Variants in RGS6 observed in about 807,000 individuals in gnomAD.
The protein encoded by RGS6 is regulator of G-protein signaling 6.
Under a neutral mutation model 78.5 loss-of-function variants are expected in RGS6, and 30 were observed. The observed-to-expected ratio is 0.38, with a 90% confidence interval of 0.29 to 0.52. RGS6 has a LOEUF of 0.52. Among genes scored for constraint, RGS6 ranks in the 20% least tolerant of loss-of-function variants. The pLI, the probability that RGS6 is intolerant of heterozygous loss-of-function variation, is 0.85. For synonymous variants in RGS6, 206 were observed against 206.0 expected (o/e 1.00, Z 0.00); for missense variants, 495 against 609.7 (o/e 0.81, Z 1.98).
intron 2 of RGS6, chr14:71,990,755 C>T (rs745950351): frequency 2.2e-6 from 1 of 456,088 alleles, no homozygotes; most frequent in Non-Finnish European, 4.4e-6. Flanking sequence ...TTGCTATCCT[C>T]TCTCCAAACT....
chr14:72,079,867 CCTT>C (rs2094744197), intron 2 of RGS6, among the ~76,000 whole-genome samples: 1 of 152,104 alleles, frequency 6.6e-6, no homozygotes, highest in Non-Finnish European at 1.5e-5. Context: ...TGACAGATAT[CCTT>C]CTTTTTTAAG....
intron 2 of RGS6, among the ~76,000 whole-genome samples, chr14:71,995,331 G>T (rs2095150623): frequency 2.0e-5 from 3 of 152,230 alleles, no homozygotes; most frequent in South Asian, 4.1e-4. Context: ...TGGATGGGCT[G>T]CCCCTGAACA....
chr14:72,011,958 T>A (rs1271178930), intron 2 of RGS6, among the ~76,000 whole-genome samples: 1 of 152,206 alleles, frequency 6.6e-6, no homozygotes, highest in Non-Finnish European at 1.5e-5. Context: ...TTTTCTGAAA[T>A]TTTAAGTGTA....
the RGS6 span, among the ~76,000 whole-genome samples, chr14:71,869,127 G>C: frequency 6.6e-6 from 1 of 152,122 alleles, no homozygotes; most frequent in African/African-American, 2.4e-5. Context: ...TCTTTGCCTC[G>C]AGCTCTGCTT....
intron 2 of RGS6, among the ~76,000 whole-genome samples, chr14:72,110,076 A>C (rs1294913716): frequency 6.6e-6 from 1 of 152,220 alleles, no homozygotes; most frequent in Non-Finnish European, 1.5e-5. Context: ...GTTCTTAAAA[A>C]GTCAGTAGTG....
intron 2 of RGS6, among the ~76,000 whole-genome samples, chr14:72,295,649 T>G (rs1390206734): frequency 2.0e-5 from 3 of 152,022 alleles, no homozygotes; most frequent in Admixed American, 2.0e-4. Flanking sequence ...TTTGGTTGCT[T>G]ATATATATTT....
At chr14:72,513,600 C>A (rs1406533175) in intron 14 of RGS6, among the ~76,000 whole-genome samples, 1 of 152,234 alleles carries the variant, frequency 6.6e-6, no homozygotes, top group Non-Finnish European at 1.5e-5. Context: ...AGGGGCCTCA[C>A]AGCTCTGATG....
chr14:72,167,541 T>C (rs2096945090), intron 2 of RGS6, among the ~76,000 whole-genome samples: 1 of 152,200 alleles, frequency 6.6e-6, no homozygotes, highest in Non-Finnish European at 1.5e-5. Flanking sequence ...GAACATTTAA[T>C]ATTAATGTAG....
Position 72,064,059 on chromosome 14 carries a change from C to T in RGS6, c.84+99184C>T, listed in dbSNP as rs116931760. 1.4e-3 allele frequency among the ~76,000 whole-genome samples: 206 copies of T among 151,426 alleles called. 4 individuals are homozygous for T. In the East Asian group the frequency reaches 0.038, roughly 28 times the overall value. On this transcript the variant is annotated intron_variant, in intron 2 of 17. Transcript: ENST00000553525. The stretch of plus-strand genomic sequence containing the variant: ...TAGGGAGAGAGTCTAAGGATTCTCT[C>T]GTAGGTAATCATGGTCATAGTTTTG...
In RGS6 at chr14:72,562,982, G is replaced by A. The variant is rs973460333; in HGVS notation, c.*515G>A. The A allele has an allele frequency of 3.4e-6, 2 of 589,810 alleles. No homozygotes were observed. Among genetic ancestry groups the A allele is most frequent in the Admixed American group, 2.8e-5 (1 of 35,254 alleles). 36.5% of individuals were successfully genotyped at this position (589,810 alleles called of 1,614,324 possible). A position where few individuals can be genotyped will look rare whatever the true frequency, so the allele number is the denominator to read the frequency against. On this transcript the variant is annotated 3_prime_UTR_variant, in exon 18 of 18. Coordinates refer to ENST00000553525, the MANE Select transcript of RGS6 (RefSeq NM_001204424.2). ...CGCCTGTCATCCCTCACGTCTCTGT[G>A]GCCACCCGGGTGTCACTGCCAGCAC...
intron 2 of RGS6, among the ~76,000 whole-genome samples, chr14:72,245,421 T>C (rs2053980919): frequency 6.6e-6 from 1 of 152,250 alleles, no homozygotes; most frequent in Admixed American, 6.5e-5. Context: ...ATTAGCATTA[T>C]TTCTATAGAT....
At chr14:72,360,520 T>TCAAA (rs747104727) in intron 3 of RGS6, among the ~76,000 whole-genome samples, 1 of 151,232 alleles carries the variant, frequency 6.6e-6, no homozygotes. Context: ...AGACTCTGTC[T>TCAAA]CAAACAAACA....
intron 2 of RGS6, among the ~76,000 whole-genome samples, chr14:72,204,047 C>T (rs866215003): frequency 3.9e-5 from 6 of 152,048 alleles, no homozygotes; most frequent in Admixed American, 1.3e-4. Context: ...TGGTCTCAAA[C>T]TCCTGACCTC....
chr14:71,960,641 G>A (rs926566122), intron 1 of RGS6, among the ~76,000 whole-genome samples: 4 of 152,202 alleles, frequency 2.6e-5, no homozygotes, highest in South Asian at 2.1e-4. Context: ...ACAAAGTCCC[G>A]CAGATTCAGA....
At chr14:71,909,227 T>C in the RGS6 span, among the ~76,000 whole-genome samples, 1 of 152,184 alleles carries the variant, frequency 6.6e-6, no homozygotes, top group South Asian at 2.1e-4. Flanking sequence ...GACGCCCTAC[T>C]CTGTAATAGA....
rs956176713 is a variant in RGS6, at chr14:72,299,707, G to T, written c.85-52388G>T. Among the ~76,000 whole-genome samples, 12 of 152,218 alleles carry T rather than the reference G, an allele frequency of 7.9e-5. No homozygotes were observed. In the East Asian group the frequency reaches 2.3e-3, roughly 29 times the overall value. On this transcript the variant is annotated intron_variant, in intron 2 of 17. Coordinates refer to ENST00000553525, the MANE Select transcript of RGS6 (RefSeq NM_001204424.2). Reference sequence around the variant, plus strand: ...GTGAAGTAGAAACTCATTTTGCTTTGGATTTGCATTTCCCTGATGGCTAAT... The same window carrying T: ...GTGAAGTAGAAACTCATTTTGCTTTTGATTTGCATTTCCCTGATGGCTAAT...
At chr14:72,470,964 A>G (rs1356366876) in intron 8 of RGS6, among the ~76,000 whole-genome samples, 7 of 151,218 alleles carry the variant, frequency 4.6e-5, no homozygotes, top group Non-Finnish European at 1.0e-4. Context: ...CTTCCTGTAC[A>G]GAGGTGTGTA....
chr14:72,460,265 A>G (rs1368059207), intron 6 of RGS6, among the ~76,000 whole-genome samples: 1 of 152,176 alleles, frequency 6.6e-6, no homozygotes, highest in Non-Finnish European at 1.5e-5. Flanking sequence ...CTCAGTGGAG[A>G]TTATTTAATA....
chr14:72,206,560 T>A (rs1220311563), intron 2 of RGS6, among the ~76,000 whole-genome samples: 1 of 152,110 alleles, frequency 6.6e-6, no homozygotes, highest in East Asian at 1.9e-4. Flanking sequence ...TAATTGAACT[T>A]ACAGTTCCAC....
Sources: gnomAD v4.1 joint callset for allele counts (sites outside exome capture counted in the v4.1 genomes callset) on GRCh38, gnomAD v4.1.1 for gene constraint, MANE v1.5 for transcripts, NCBI Gene and HGNC (gene_info 2026-07-23, HGNC 2026-07-21) for gene names.